The following UPF2 variants were observed in gnomAD, a reference collection of about 807,000 sequenced individuals.
The protein encoded by UPF2 is regulator of nonsense transcripts 2.
A neutral mutation model predicts 141.4 loss-of-function variants in UPF2; 17 were observed. The observed-to-expected ratio is 0.12, with a 90% CI of 0.08 to 0.18. The LOEUF (loss-of-function observed/expected upper bound fraction) is 0.18, where lower values mean the gene tolerates loss of function less well. UPF2 is among the 10% of genes least tolerant of loss of function. UPF2 has a pLI of 1.00. For missense variants in UPF2, 1,152 were observed against 1,515.9 expected (o/e 0.76, Z 3.99); for synonymous variants, 540 against 498.0 (o/e 1.08, Z -1.12).
Position 11,948,398 on chromosome 10 carries a change from C to T in UPF2, c.3145G>A (p.Glu1049Lys). Residue 1049 changes from glutamate to lysine, a missense_variant, in exon 16 of 22, where the codon GAA (glutamate) becomes AAA (lysine). Physicochemically the swap from Glu to Lys is moderately conservative, Grantham distance 56. Coordinates refer to ENST00000357604, the MANE Select transcript of UPF2 (RefSeq NM_015542.4). ...GAETEEQSGN[E>K]SEVNEPEEEE... is the part of the protein sequence containing the mutation. Reference sequence around the variant, plus strand: ...TCTTCTGGCTCATTTACTTCACTTTCATTTCCAGATTGTTCTTCTGTTTCA... The same window carrying T: ...TCTTCTGGCTCATTTACTTCACTTTTATTTCCAGATTGTTCTTCTGTTTCA... 1 of 1,603,068 alleles carries T rather than the reference C, an allele frequency of 6.2e-7. No homozygotes were observed. The highest frequency in any genetic ancestry group is 8.5e-7 in the Non-Finnish European group (1 of 1,173,668).
chr10:11,974,024 A>C (rs566129630), intron 9 of UPF2, among the ~76,000 whole-genome samples: 1 of 152,278 alleles, frequency 6.6e-6, no homozygotes, highest in East Asian at 1.9e-4. Flanking sequence ...TGAGCATGGA[A>C]TGTTCTTCCA....
intron 8 of UPF2, among the ~76,000 whole-genome samples, chr10:11,987,389 C>G (rs962271770): frequency 2.6e-5 from 4 of 152,116 alleles, no homozygotes; most frequent in African/African-American, 4.8e-5. Context: ...GTGTGTATAG[C>G]TATGTTATAA....
rs745844329 is a variant in UPF2, at chr10:11,979,023, A to G, written c.1953+34T>C. 4 of 1,502,902 alleles carry G rather than the reference A, an allele frequency of 2.7e-6. No individual in the cohort carries two copies. The South Asian group carries it at 3.4e-5, about 13-fold the overall frequency. 93.1% of individuals were successfully genotyped at this position (1,502,902 alleles called of 1,614,324 possible). ...GAATCCTCACTCAACGTATAAGAAT[A>G]TAAATATTTCAAAATAAATGCTTAA... is the stretch of plus-strand genomic sequence containing the variant. On this transcript the variant is annotated intron_variant, in intron 9 of 21. Transcript: ENST00000357604. The surrounding 1 kb of genome is among the most constrained non-coding windows in gnomAD (Gnocchi z 6.2).
intron 3 of UPF2, among the ~76,000 whole-genome samples, chr10:12,017,896 C>T (rs1834252031): frequency 6.6e-6 from 1 of 152,152 alleles, no homozygotes; most frequent in Non-Finnish European, 1.5e-5. Context: ...TCCCCTGGCC[C>T]TCCAACCCCC....
At chr10:12,041,647 AATTCTCTT>A (rs1049172468) in intron 1 of UPF2, among the ~76,000 whole-genome samples, 43 of 152,316 alleles carry the variant, frequency 2.8e-4, no homozygotes, top group African/African-American at 1.0e-3. Flanking sequence ...TTTACCTTTC[AATTCTCTT>A]ATTCAAAATG....
rs907275195 is a variant in UPF2 at position 11,980,721 on chromosome 10, G to A, written c.1845-1556C>T. Among the ~76,000 whole-genome samples the A allele has an allele frequency of 3.3e-5, 5 of 151,960 alleles. No individual in the cohort carries two copies. Among genetic ancestry groups the A allele is most frequent in the South Asian group, 2.1e-4 (1 of 4,820 alleles). On this transcript the variant is annotated intron_variant, in intron 8 of 21. Coordinates refer to ENST00000357604, the MANE Select transcript of UPF2 (RefSeq NM_015542.4). This position sits in a 1 kb window ranked among gnomAD's most constrained non-coding sequence, Gnocchi z 4.2. ...GCAATCCAGCCTGGGCAACAAGAGC[G>A]AAACTCCATCTCAAAAAAAGATTAT...
chr10:12,013,881 T>TGAGCCACCA, intron 4 of UPF2, 143 bp downstream of exon 4: 1 of 784,192 alleles, frequency 1.3e-6, no homozygotes, highest in Non-Finnish European at 1.8e-6. Flanking sequence ...GTTACAGGCA[T>TGAGCCACCA]GAGCCACCAT....
chr10:11,954,455 G>A (rs541515213), intron 14 of UPF2, among the ~76,000 whole-genome samples: 40 of 151,788 alleles, frequency 2.6e-4, no homozygotes, highest in African/African-American at 8.9e-4. Context: ...CCAACATGGT[G>A]AAACCCCCTC....
intron 8 of UPF2, among the ~76,000 whole-genome samples, chr10:11,997,345 CA>C (rs904238447): frequency 5.8e-4 from 88 of 150,840 alleles, no homozygotes; most frequent in African/African-American, 2.1e-3. Flanking sequence ...AAAAACTCTC[CA>C]AAAAAATTAT....
chr10:12,031,608 T>C (rs1463139189), intron 2 of UPF2, among the ~76,000 whole-genome samples: 1 of 152,076 alleles, frequency 6.6e-6, no homozygotes, highest in Non-Finnish European at 1.5e-5. Context: ...ACCCAATCTC[T>C]ACAAAAAAAT....
At chr10:11,968,034 C>T (rs1489394782) in intron 9 of UPF2, among the ~76,000 whole-genome samples, 1 of 152,076 alleles carries the variant, frequency 6.6e-6, no homozygotes, top group Non-Finnish European at 1.5e-5. Context: ...CAAAAATTAG[C>T]CAGGCGTAGT....
chr10:11,962,811 G>A (rs886991212), intron 11 of UPF2, among the ~76,000 whole-genome samples: 6 of 152,070 alleles, frequency 3.9e-5, no homozygotes, highest in Non-Finnish European at 8.8e-5. Context: ...ACCTGCAGCT[G>A]TTTTATTCAA....
At position 11,941,326 on chromosome 10, in the gene UPF2, T is replaced by C. The variant is rs368074986; in HGVS notation, c.3378+1339A>G. Among the ~76,000 whole-genome samples the C allele has an allele frequency of 7.2e-5, 11 of 152,232 alleles. No individual in the cohort carries two copies. In the East Asian group the frequency reaches 2.1e-3, roughly 29 times the overall value. On this transcript the variant is annotated intron_variant, in intron 18 of 21. Transcript: ENST00000357604. ...TAATGATTATGTTTTATTTGATTGCTTGCGCTCCTAAATAACATAAATGTA... is the reference window on the plus strand; with the variant it reads ...TAATGATTATGTTTTATTTGATTGCCTGCGCTCCTAAATAACATAAATGTA...
intron 8 of UPF2, among the ~76,000 whole-genome samples, chr10:11,996,452 G>A (rs1273587147): frequency 6.6e-6 from 1 of 151,712 alleles, no homozygotes; most frequent in South Asian, 2.1e-4. Flanking sequence ...GGTTCAACCG[G>A]TTCTCCTGCC....
Position 11,964,108 on chromosome 10 carries a change from G to A in UPF2, c.2085C>T (p.Phe695=), listed in dbSNP as rs1474597310. 1.9e-6 allele frequency: 3 copies of A among 1,612,772 alleles called. No homozygotes were observed. The highest frequency in any genetic ancestry group is 2.5e-6 in the Non-Finnish European group (3 of 1,179,468). Reference sequence around the variant, plus strand: ...ATGCCATTTCAATATGGTGATGAGAGAAGTCTGACAGAAGCATCTGCAACA... The same window carrying A: ...ATGCCATTTCAATATGGTGATGAGAAAAGTCTGACAGAAGCATCTGCAACA... ...LHCLKMLLSD[F]SHHHIEMACT... The change falls in exon 11 of 22, where the codon TTC becomes TTT. Residue 695 remains phenylalanine (F), a synonymous_variant. Coordinates refer to ENST00000357604, the MANE Select transcript of UPF2 (RefSeq NM_015542.4).
intron 5 of UPF2, among the ~76,000 whole-genome samples, chr10:12,002,048 A>G (rs991196658): frequency 1.3e-5 from 2 of 152,134 alleles, no homozygotes. Context: ...AGGAGGGAGG[A>G]TCACCTGAGG....
At chr10:11,967,005 C>T (rs780737075) in intron 10 of UPF2, among the ~76,000 whole-genome samples, 1 of 152,174 alleles carries the variant, frequency 6.6e-6, no homozygotes, top group African/African-American at 2.4e-5. Flanking sequence ...ATATTTTCCC[C>T]ATTTTTTTAT....
At chr10:11,954,643 A>AAT (rs1554775869) in intron 14 of UPF2, among the ~76,000 whole-genome samples, 4 of 128,344 alleles carry the variant, frequency 3.1e-5, no homozygotes, top group African/African-American at 1.1e-4. Flanking sequence ...CAAAAAAAAA[A>AAT]ATATATATAT....
chr10:11,966,352 T>C (rs1833319660), intron 10 of UPF2, among the ~76,000 whole-genome samples: 1 of 152,268 alleles, frequency 6.6e-6, no homozygotes, highest in African/African-American at 2.4e-5. Flanking sequence ...ATGTTATTGG[T>C]TGCATACTGA....
Sources: gnomAD v4.1 joint callset for allele counts (sites outside exome capture counted in the v4.1 genomes callset) on GRCh38, gnomAD v4.1.1 for gene constraint, Gnocchi (gnomAD v3.1) non-coding constraint, MANE v1.5 for transcripts, NCBI Gene and HGNC (gene_info 2026-07-23, HGNC 2026-07-21) for gene names.